COTL1: variants seen among roughly 807,000 people sequenced by gnomAD.
COTL1 encodes coactosin like F-actin binding protein 1, also known as coactosin-like protein.
COTL1 carries 15 observed loss-of-function variants against 16.5 expected under a neutral mutation model. The ratio of observed to expected loss-of-function variants is 0.91; its 90% CI spans 0.61 to 1.40. The LOEUF (loss-of-function observed/expected upper bound fraction) is 1.40. COTL1 is among the 40% of genes most tolerant of loss of function. The pLI, the probability that COTL1 is intolerant of heterozygous loss-of-function variation, is 0.00. For missense variants in COTL1, 220 were observed against 201.5 expected, an observed-to-expected ratio of 1.09 and a Z score of -0.56; for synonymous variants, 112 against 85.3, an observed-to-expected ratio of 1.31 and a Z score of -1.73.
chr16:84,600,935 A>T (rs954322525), intron 2 of COTL1, among the ~76,000 whole-genome samples: 1 of 152,208 alleles, frequency 6.6e-6, no homozygotes, highest in African/African-American at 2.4e-5. Flanking sequence ...AAGCACTAGC[A>T]CTTTCTTTCA....
chr16:84,603,869 G>T (rs1175798094), intron 2 of COTL1, among the ~76,000 whole-genome samples: 1 of 151,834 alleles, frequency 6.6e-6, no homozygotes, highest in African/African-American at 2.4e-5. Context: ...AGAATAAAAT[G>T]CGCACTGCTC....
chr16:84,588,558 C>G (rs1300762315), intron 3 of COTL1, among the ~76,000 whole-genome samples: 1 of 152,128 alleles, frequency 6.6e-6, no homozygotes, highest in Non-Finnish European at 1.5e-5. Context: ...CTCACTCAGT[C>G]TGAGTGCAGT....
intron 3 of COTL1, among the ~76,000 whole-genome samples, chr16:84,578,876 T>G (rs191524241): frequency 6.6e-6 from 1 of 150,782 alleles, no homozygotes; most frequent in African/African-American, 2.4e-5. Context: ...CATGCAGGCA[T>G]GCATACACAC....
chr16:84,603,926 T>C (rs1405988863), intron 2 of COTL1, among the ~76,000 whole-genome samples: 1 of 151,016 alleles, frequency 6.6e-6, no homozygotes, highest in Non-Finnish European at 1.5e-5. Context: ...CACTGCACCC[T>C]GGGCCCTGCC....
intron 3 of COTL1, among the ~76,000 whole-genome samples, chr16:84,573,768 TACACACACAC>T (rs3086225): frequency 4.1e-5 from 6 of 146,210 alleles, no homozygotes; most frequent in South Asian, 4.3e-4. Flanking sequence ...TATATATACA[TACACACACAC>T]ACACACACAC....
At chr16:84,593,734 C>T (rs562244257) in intron 2 of COTL1, among the ~76,000 whole-genome samples, 7 of 152,216 alleles carry the variant, frequency 4.6e-5, no homozygotes, top group East Asian at 3.9e-4. Context: ...CTCCTGACCT[C>T]GTGATCCGCC....
chr16:84,576,030 T>C (rs764836170), intron 3 of COTL1: 3 of 152,280 alleles, frequency 2.0e-5, no homozygotes, highest in Middle Eastern at 3.4e-3. Context: ...TCACTCAGAG[T>C]GAAGACACAG....
chr16:84,602,747 C>T lies in COTL1; in HGVS notation c.161-12485G>A, dbSNP rs570853775. ...GTGCACACCTGTAATCCCAGCTACT[C>T]GGGAGGCTGACGTAGGAGAATTGCT... On this transcript the variant is annotated intron_variant, in intron 2 of 3. Coordinates refer to ENST00000262428, the MANE Select transcript of COTL1 (RefSeq NM_021149.5). Among the ~76,000 whole-genome samples the T allele has an allele frequency of 4.0e-5, 6 of 151,626 alleles. 1 individual carries two copies. The East Asian group carries it at 5.9e-4, about 15-fold the overall frequency.
At chr16:84,572,916 C>A (rs1904363942) in intron 3 of COTL1, among the ~76,000 whole-genome samples, 2 of 123,344 alleles carry the variant, frequency 1.6e-5, no homozygotes, top group African/African-American at 5.4e-5. Flanking sequence ...CCATGCCCGA[C>A]TAATTTTTTT....
chr16:84,586,233 C>G (rs1904730075), intron 3 of COTL1, among the ~76,000 whole-genome samples: 1 of 152,192 alleles, frequency 6.6e-6, no homozygotes. Context: ...CTAGCCACAC[C>G]TAAAGCCGAA....
chr16:84,577,810 A>G (rs1365539113), intron 3 of COTL1, among the ~76,000 whole-genome samples: 1 of 152,168 alleles, frequency 6.6e-6, no homozygotes, highest in Admixed American at 6.6e-5. Context: ...ATGTCCTAGA[A>G]GCACGCTGTG....
chr16:84,593,393 C>T (rs1214001754), intron 2 of COTL1, among the ~76,000 whole-genome samples: 1 of 152,274 alleles, frequency 6.6e-6, no homozygotes, highest in Non-Finnish European at 1.5e-5. Context: ...AGGGCCCCAC[C>T]TCCCATGCCC....
At chr16:84,598,645 T>C (rs1905052116) in intron 2 of COTL1, among the ~76,000 whole-genome samples, 1 of 81,374 alleles carries the variant, frequency 1.2e-5, no homozygotes, top group African/African-American at 4.0e-5. Flanking sequence ...CCTCCTCCCC[T>C]TCTCCCCCCC....
intron 2 of COTL1, among the ~76,000 whole-genome samples, chr16:84,605,694 A>G (rs56261892): frequency 0.12 from 18,429 of 152,306 alleles, 1,269 homozygotes; most frequent in African/African-American, 0.18. Context: ...TGGAAGCACA[A>G]GAAGGCAAGA....
At chr16:84,615,285 C>A (rs1205852533) in intron 2 of COTL1, among the ~76,000 whole-genome samples, 1 of 152,250 alleles carries the variant, frequency 6.6e-6, no homozygotes, top group East Asian at 1.9e-4. Context: ...GCATTTTTAG[C>A]TTCCTCGCCA....
chr16:84,584,736 G>A (rs887538824), intron 3 of COTL1, among the ~76,000 whole-genome samples: 1 of 152,210 alleles, frequency 6.6e-6, no homozygotes, highest in African/African-American at 2.4e-5. Flanking sequence ...GGAAATAACA[G>A]CTACTACTTC....
At chr16:84,602,379 ACT>A (rs1404098959) in intron 2 of COTL1, among the ~76,000 whole-genome samples, 1 of 148,394 alleles carries the variant, frequency 6.7e-6, no homozygotes, top group Non-Finnish European at 1.5e-5. Context: ...CCACAGTGAG[ACT>A]CTGTCTCAAA....
chr16:84,604,975 C>T (rs754627589), intron 2 of COTL1, among the ~76,000 whole-genome samples: 2 of 152,252 alleles, frequency 1.3e-5, no homozygotes, highest in Non-Finnish European at 2.9e-5. Flanking sequence ...GTAGGGAAAT[C>T]GGGATTTCCT....
intron 2 of COTL1, among the ~76,000 whole-genome samples, chr16:84,611,465 G>A (rs534426586): frequency 1.3e-5 from 2 of 152,280 alleles, no homozygotes; most frequent in South Asian, 4.1e-4. Flanking sequence ...ATCCCCTTTT[G>A]TAGTAGAATT....
Sources: allele counts gnomAD v4.1 joint callset (sites outside exome capture counted in the v4.1 genomes callset), GRCh38; gene constraint gnomAD v4.1.1; transcripts MANE v1.5; gene names NCBI Gene and HGNC (gene_info 2026-07-23, HGNC 2026-07-21).